Variants in EFCAB6 observed in about 807,000 individuals in gnomAD.
EFCAB6 encodes EF-hand calcium binding domain 6.
EFCAB6 carries 156 observed loss-of-function variants against 169.8 expected under a neutral mutation model. The observed-to-expected ratio is 0.92, with a 90% CI of 0.81 to 1.05. EFCAB6 has a LOEUF of 1.05. Among genes scored for constraint, EFCAB6 ranks in the 50% least tolerant of loss-of-function variants. EFCAB6 has a pLI of 0.00. For synonymous variants in EFCAB6, 698 were observed against 676.4 expected (o/e 1.03, Z -0.50); for missense variants, 1,800 against 1,829.1 (o/e 0.98, Z 0.29).
intron 11 of EFCAB6, among the ~76,000 whole-genome samples, 179 bp downstream of exon 11, chr22:43,687,292 G>T (rs1335390459): frequency 6.6e-6 from 1 of 152,078 alleles, no homozygotes; most frequent in East Asian, 1.9e-4. Context: ...ATAGTTTAAG[G>T]CAGTTTTCAA....
At chr22:43,692,689 G>A (rs1012773980) in intron 10 of EFCAB6, among the ~76,000 whole-genome samples, 2 of 152,044 alleles carry the variant, frequency 1.3e-5, no homozygotes, top group African/African-American at 4.8e-5. Context: ...CAACCAATAT[G>A]AAGACTACAG....
At chr22:43,652,059 T>C (rs886292718) in intron 17 of EFCAB6, among the ~76,000 whole-genome samples, 2 of 152,218 alleles carry the variant, frequency 1.3e-5, no homozygotes, top group African/African-American at 4.8e-5. Context: ...TGGGGGACTA[T>C]TGGGAAGGCA....
chr22:43,675,048 G>T (rs1318244772), intron 13 of EFCAB6, among the ~76,000 whole-genome samples: 3 of 151,450 alleles, frequency 2.0e-5, no homozygotes, highest in Non-Finnish European at 4.4e-5. Context: ...ACGGGTACGG[G>T]GTACAGCCAA....
intron 22 of EFCAB6, among the ~76,000 whole-genome samples, chr22:43,600,901 G>A (rs1384932215): frequency 6.6e-6 from 1 of 152,212 alleles, no homozygotes; most frequent in Non-Finnish European, 1.5e-5. Context: ...GACCTCAGGT[G>A]ATCCGCCGGC....
At chr22:43,804,118 A>T (rs1385173971) in intron 2 of EFCAB6, among the ~76,000 whole-genome samples, 2 of 152,236 alleles carry the variant, frequency 1.3e-5, no homozygotes, top group African/African-American at 4.8e-5. Flanking sequence ...AAATCATATC[A>T]AGTATCTTTT....
rs2050270325 is a variant in EFCAB6 at position 43,576,541 on chromosome 22, C to T, written c.3229-53G>A. On this transcript the variant is annotated intron_variant, in intron 25 of 31. Coordinates refer to ENST00000262726, the MANE Select transcript of EFCAB6 (RefSeq NM_022785.4). ...GGCAAATCCTGTCAAATGAATACTT[C>T]TAAAACACTTTCCTTAAGTACTGTT... 2.1e-6 allele frequency: 3 copies of T among 1,439,316 alleles called. No individual in the cohort carries two copies. The East Asian group carries it at 7.4e-5, about 36-fold the overall frequency. The allele number at this position is 1,439,316 out of a possible 1,614,324, so 89.2% of individuals were successfully genotyped here.
chr22:43,543,713 G>A (rs1353454598), intron 27 of EFCAB6, among the ~76,000 whole-genome samples: 1 of 152,150 alleles, frequency 6.6e-6, no homozygotes, highest in Non-Finnish European at 1.5e-5. Flanking sequence ...CCGGAGCAGT[G>A]AGAAAGCTTC....
chr22:43,784,511 A>ATGTGGG (rs2061947057), intron 2 of EFCAB6, among the ~76,000 whole-genome samples: 1 of 91,372 alleles, frequency 1.1e-5, no homozygotes, highest in African/African-American at 4.2e-5. Flanking sequence ...AAATATATAT[A>ATGTGGG]TGTGTGTGTG....
intron 10 of EFCAB6, among the ~76,000 whole-genome samples, chr22:43,693,620 A>G (rs1015192532): frequency 6.6e-6 from 1 of 151,234 alleles, no homozygotes; most frequent in Non-Finnish European, 1.5e-5. Context: ...TAACGTATCA[A>G]TATTAGTTCA....
chr22:43,809,262 C>A (rs2063023928), intron 1 of EFCAB6, 131 bp from the exon 2 acceptor site: 1 of 152,112 alleles, frequency 6.6e-6, no homozygotes, highest in Non-Finnish European at 1.5e-5. Flanking sequence ...CATGAGTTGA[C>A]AAGAAGCTCC....
chr22:43,784,764 C>T (rs980020904), intron 2 of EFCAB6, among the ~76,000 whole-genome samples: 1 of 145,608 alleles, frequency 6.9e-6, no homozygotes, highest in African/African-American at 2.5e-5. Flanking sequence ...GTAGTCCTAG[C>T]TACTTGGGAG....
In EFCAB6 at chr22:43,618,143, GAGGA is replaced by G. The variant is rs6147637; in HGVS notation, c.2466-2225_2466-2222del. Among the ~76,000 whole-genome samples, 15 of 63,996 alleles carry G rather than the reference GAGGA, an allele frequency of 2.3e-4. 1 individual carries two copies. The highest frequency in any genetic ancestry group is 3.2e-4 in the Non-Finnish European group (11 of 34,132). The allele number at this position is 63,996 out of a possible 152,430, so 42.0% of individuals were successfully genotyped here. A position where few individuals can be genotyped will look rare whatever the true frequency, so the allele number is the denominator to read the frequency against. The stretch of plus-strand genomic sequence containing the variant: ...AAAAAAAAAAGAAAGAGACAGAGAG[GAGGA>G]AGGAAGGAAGGAAGGAAGGAAAGAA... On this transcript the variant is annotated intron_variant, in intron 20 of 31. Coordinates refer to ENST00000262726, the MANE Select transcript of EFCAB6 (RefSeq NM_022785.4).
At chr22:43,758,040 T>C (rs562169316) in intron 5 of EFCAB6, among the ~76,000 whole-genome samples, 3 of 152,372 alleles carry the variant, frequency 2.0e-5, no homozygotes, top group Non-Finnish European at 4.4e-5. Flanking sequence ...ACATGATAAT[T>C]GAATCCTTAA....
At chr22:43,534,009 T>C (rs149970552) in intron 30 of EFCAB6, among the ~76,000 whole-genome samples, 3,848 of 152,260 alleles carry the variant, frequency 0.025, 73 homozygotes, top group Non-Finnish European at 0.039. Context: ...TCACAGAACT[T>C]TGGGAAGCTG....
At chr22:43,596,669 T>C (rs897755637) in intron 23 of EFCAB6, among the ~76,000 whole-genome samples, 1 of 152,180 alleles carries the variant, frequency 6.6e-6, no homozygotes, top group African/African-American at 2.4e-5. Context: ...AAAATGTCTA[T>C]ACTATCCAAA....
intron 5 of EFCAB6, among the ~76,000 whole-genome samples, chr22:43,760,785 A>C (rs529166551): frequency 3.3e-5 from 5 of 152,132 alleles, no homozygotes; most frequent in South Asian, 2.1e-4. Flanking sequence ...CAGCCTCCCA[A>C]GCAAGTAGCT....
rs527873697 is a variant in EFCAB6 at position 43,667,197 on chromosome 22, C to G, written c.1890G>C (p.Lys630Asn). 6.2e-7 allele frequency: 1 copy of G among 1,614,110 alleles called. No homozygotes were observed. Among genetic ancestry groups the G allele is most frequent in the Admixed American group, 1.7e-5 (1 of 60,018 alleles). ...ATGCCGGGTCCTGCTGCTGTATACA[C>G]TTTTTGAATTTTTCAATCACTTCTT... is the stretch of plus-strand genomic sequence containing the variant. ...TTEEVIEKFK[K>N]CIQQQDPAFK... The change falls in exon 17 of 32, where the codon AAG becomes AAC. Residue 630 changes from lysine to asparagine, a missense_variant. Physicochemically the swap from Lys to Asn is moderately conservative, Grantham distance 94. Coordinates refer to ENST00000262726, the MANE Select transcript of EFCAB6 (RefSeq NM_022785.4).
intron 9 of EFCAB6, 25 bp downstream of exon 9, chr22:43,716,823 A>G (rs769667655): frequency 6.3e-7 from 1 of 1,592,644 alleles, no homozygotes; most frequent in Non-Finnish European, 8.5e-7. Flanking sequence ...TCTGTAGGTA[A>G]TTGTGGCTTA....
chr22:43,683,675 T>C, intron 12 of EFCAB6, 72 bp downstream of exon 12: 3 of 1,077,344 alleles, frequency 2.8e-6, no homozygotes, highest in East Asian at 2.4e-5. Context: ...GAGTTGTTAT[T>C]GGTCTTGTTC....
Sources: allele counts gnomAD v4.1 joint callset (sites outside exome capture counted in the v4.1 genomes callset), GRCh38; gene constraint gnomAD v4.1.1; transcripts MANE v1.5; gene names NCBI Gene and HGNC (gene_info 2026-07-23, HGNC 2026-07-21).